Variants in MPV17 observed in about 807,000 individuals in gnomAD.
MPV17 encodes MPV17, mitochondrial inner membrane protein.
MPV17 carries 31 observed loss-of-function variants against 28.6 expected under a neutral mutation model. That is an observed-to-expected ratio of 1.08 (90% CI 0.81 to 1.46). The LOEUF is 1.46. Ranked by LOEUF, MPV17 falls within the 40% of genes most tolerant of loss-of-function variation. The probability of loss-of-function intolerance (pLI) is 0.00; values close to 1 mark genes in which losing one functional copy is unlikely to be tolerated. For synonymous variants in MPV17, 87 were observed against 85.3 expected, an observed-to-expected ratio of 1.02 and a Z score of -0.11; for missense variants, 198 against 216.2, an observed-to-expected ratio of 0.92 and a Z score of 0.53.
chr2:27,311,803 G>A (rs2148214491), intron 7 of MPV17, 96 bp downstream of exon 7: 1 of 1,573,936 alleles, frequency 6.4e-7, no homozygotes. Flanking sequence ...CCGTTTGGGG[G>A]TCTAAGGTAG....
intron 2 of MPV17, chr2:27,315,869 C>G (rs1405021518): frequency 8.7e-6 from 12 of 1,372,034 alleles, no homozygotes; most frequent in African/African-American, 1.5e-5. Flanking sequence ...GCCTACACCC[C>G]CATTTAATGA....
At position 27,312,217 on chromosome 2, in the gene MPV17, G is replaced by C. The variant is rs774833271; in HGVS notation, c.405C>G (p.Tyr135Ter). The C allele has an allele frequency of 1.2e-6, 2 of 1,613,908 alleles. No individual in the cohort carries two copies. The highest frequency in any genetic ancestry group is 1.3e-5 in the African/African-American group (1 of 74,932). The change falls in exon 6 of 8, where the codon TAC becomes TAG. Residue 135 changes from tyrosine (Y) to a stop codon, truncating the protein, a stop_gained. Coordinates refer to ENST00000380044, the MANE Select transcript of MPV17 (RefSeq NM_002437.5). LOFTEE classifies it high-confidence loss of function. ...RDYPDALITN[Y>*]YLWPAVQLAN... ...CAGTTGAGGTGTCAGCTCTTACATA[G>C]TAGTTGGTGATAAGGGCATCAGGAT...
chr2:27,321,057 G>A (rs950147141), intron 2 of MPV17, among the ~76,000 whole-genome samples: 1 of 152,226 alleles, frequency 6.6e-6, no homozygotes, highest in East Asian at 1.9e-4. Flanking sequence ...CCACATGTCG[G>A]CACCTAGGCC....
chr2:27,312,590 C>T lies in MPV17; in HGVS notation c.280-1G>A, dbSNP rs781636695. 1.2e-6 allele frequency: 2 copies of T among 1,613,948 alleles called. No individual in the cohort carries two copies. Among genetic ancestry groups the T allele is most frequent in the South Asian group, 2.2e-5 (2 of 91,088 alleles). On this transcript the variant is annotated splice_acceptor_variant, in intron 4 of 7. Coordinates refer to ENST00000380044, the MANE Select transcript of MPV17 (RefSeq NM_002437.5). LOFTEE classifies it high-confidence loss of function. ...CTAGAAAACACGGGGCAAAGCCCCCCTAGGGAAGAGAAATTAAAGTCCTAT... is the reference window on the plus strand; with the variant it reads ...CTAGAAAACACGGGGCAAAGCCCCCTTAGGGAAGAGAAATTAAAGTCCTAT...
At chr2:27,315,324 G>T (rs182315647) in intron 2 of MPV17, among the ~76,000 whole-genome samples, 1 of 152,208 alleles carries the variant, frequency 6.6e-6, no homozygotes, top group Non-Finnish European at 1.5e-5. Flanking sequence ...ACCCGCACCC[G>T]GTTCCCTATC....
Position 27,309,860 on chromosome 2 carries a change from T to A in MPV17, c.*52A>T. ...CACTTTGAGGAGGTTGTCTGACCGT[T>A]CCAGGGTCAAGCTGCATCACTGCAA... On this transcript the variant is annotated 3_prime_UTR_variant, in exon 8 of 8. Transcript: ENST00000380044. 1 of 1,514,682 alleles carries A rather than the reference T, an allele frequency of 6.6e-7. No homozygotes were observed. The highest frequency in any genetic ancestry group is 9.2e-7 in the Non-Finnish European group (1 of 1,090,170). The allele number at this position is 1,514,682 out of a possible 1,614,324, so 93.8% of individuals were successfully genotyped here. A position where few individuals can be genotyped will look rare whatever the true frequency, so the allele number is the denominator to read the frequency against.
At position 27,317,207 on chromosome 2, in the gene MPV17, C is replaced by T. The variant is rs1679689484; in HGVS notation, c.71-4098G>A. ...GCAGGTATAGCTACTGGCATGGGGC[C>T]AGCAGTGCTGCCTTCCTCCCCAGAA... is the stretch of plus-strand genomic sequence containing the variant. On this transcript the variant is annotated intron_variant, in intron 2 of 7. Coordinates refer to ENST00000380044, the MANE Select transcript of MPV17 (RefSeq NM_002437.5). The surrounding 1 kb of genome is among the most constrained non-coding windows in gnomAD (Gnocchi z 4.0). 6.5e-7 allele frequency: 1 copy of T among 1,549,562 alleles called. No homozygotes were observed. Among genetic ancestry groups the T allele is most frequent in the African/African-American group, 1.4e-5 (1 of 72,978 alleles).
At position 27,313,114 on chromosome 2, in the gene MPV17, G is replaced by A; in HGVS notation, c.71-5C>T. The A allele has an allele frequency of 6.2e-7, 1 of 1,614,196 alleles. No individual in the cohort carries two copies. The highest frequency in any genetic ancestry group is 1.1e-5 in the South Asian group (1 of 91,078). On this transcript the variant is annotated splice_region_variant and splice_polypyrimidine_tract_variant and intron_variant, in intron 2 of 7. Transcript: ENST00000380044. ...CACCCAGGCCCATCAGGGACCCTAT[G>A]CAGGGTACACAGGTGTTGTCAGGAC...
In MPV17 at chr2:27,312,391, C is replaced by T. The variant is rs768234149; in HGVS notation, c.375+103G>A. 4.1e-6 allele frequency: 6 copies of T among 1,445,822 alleles called. No homozygotes were observed. The East Asian group carries it at 1.1e-4, about 27-fold the overall frequency. 89.6% of individuals were successfully genotyped at this position (1,445,822 alleles called of 1,614,324 possible). A position where few individuals can be genotyped will look rare whatever the true frequency, so the allele number is the denominator to read the frequency against. ...GCTCCTCTCCTCCATGGCCTGGGGC[C>T]CTACCTGCACTTACCCCCTTTTTTA... On this transcript the variant is annotated intron_variant, in intron 5 of 7. Coordinates refer to ENST00000380044, the MANE Select transcript of MPV17 (RefSeq NM_002437.5).
In MPV17 at chr2:27,309,642, T is replaced by A. The variant is rs1288235069; in HGVS notation, c.*270A>T. 1.7e-5 allele frequency: 10 copies of A among 598,512 alleles called. No homozygotes were observed. The highest frequency in any genetic ancestry group is 1.7e-4 in the African/African-American group (9 of 53,880). The allele number at this position is 598,512 out of a possible 1,614,324, so 37.1% of individuals were successfully genotyped here. On this transcript the variant is annotated 3_prime_UTR_variant, in exon 8 of 8. Transcript: ENST00000380044. Reference sequence around the variant, plus strand: ...TGGGGATGAGTGGCATTTGCTGGGATATGGGTGTAAAGTTGATAAGGTCAT... The same window carrying A: ...TGGGGATGAGTGGCATTTGCTGGGAAATGGGTGTAAAGTTGATAAGGTCAT...
In MPV17 at chr2:27,309,877, T is replaced by TC. The variant is rs1277445223; in HGVS notation, c.*34dup. ...CTGACCGTTCCAGGGTCAAGCTGCA[T>TC]CACTGCAAGGTGGAAACGATGGAGT... On this transcript the variant is annotated 3_prime_UTR_variant, in exon 8 of 8. Coordinates refer to ENST00000380044, the MANE Select transcript of MPV17 (RefSeq NM_002437.5). The TC allele has an allele frequency of 3.2e-6, 5 of 1,582,934 alleles. No homozygotes were observed. Among genetic ancestry groups the TC allele is most frequent in the Non-Finnish European group, 3.5e-6 (4 of 1,151,872 alleles).
At chr2:27,312,659 C>T (rs1679495600) in intron 4 of MPV17, 21 bp downstream of exon 4, 6 of 1,613,748 alleles carry the variant, frequency 3.7e-6, no homozygotes, top group Middle Eastern at 3.3e-4. Flanking sequence ...CTCACCCTCC[C>T]CACTCTGTTC....
intron 2 of MPV17, among the ~76,000 whole-genome samples, chr2:27,320,260 ATG>A (rs1423302254): frequency 1.3e-5 from 2 of 151,952 alleles, no homozygotes; most frequent in Non-Finnish European, 2.9e-5. Flanking sequence ...AAGAAAAAAA[ATG>A]TCCAAAACCT....
In MPV17 at chr2:27,309,617, TG is replaced by T; in HGVS notation, c.*294del. 1 of 584,390 alleles carries T rather than the reference TG, an allele frequency of 1.7e-6. No homozygotes were observed. The highest frequency in any genetic ancestry group is 2.1e-5 in the South Asian group (1 of 48,354). 36.2% of individuals were successfully genotyped at this position (584,390 alleles called of 1,614,324 possible). On this transcript the variant is annotated 3_prime_UTR_variant, in exon 8 of 8. Coordinates refer to ENST00000380044, the MANE Select transcript of MPV17 (RefSeq NM_002437.5). The stretch of plus-strand genomic sequence containing the variant: ...GAGTAACAAATGTGTCTATGAAGAG[TG>T]GGGATGAGTGGCATTTGCTGGGATA...
chr2:27,320,001 GC>G (rs1679798249), intron 2 of MPV17, among the ~76,000 whole-genome samples: 1 of 151,468 alleles, frequency 6.6e-6, no homozygotes, highest in African/African-American at 2.4e-5. Context: ...ACTTTAGGAG[GC>G]CGAGGCGGGT....
chr2:27,310,129 G>A, intron 7 of MPV17, 148 bp from the exon 8 acceptor site: 1 of 724,208 alleles, frequency 1.4e-6, no homozygotes, highest in Non-Finnish European at 2.5e-6. Context: ...TTTTTGAGAT[G>A]GAGTCTCCTC....
Position 27,312,600 on chromosome 2 carries a change from GAAATT to G in MPV17, c.280-16_280-12del, listed in dbSNP as rs1679493197. The G allele has an allele frequency of 1.2e-6, 2 of 1,613,894 alleles. No individual in the cohort carries two copies. Among genetic ancestry groups the G allele is most frequent in the Non-Finnish European group, 1.7e-6 (2 of 1,179,884 alleles). On this transcript the variant is annotated splice_polypyrimidine_tract_variant and intron_variant, in intron 4 of 7. Coordinates refer to ENST00000380044, the MANE Select transcript of MPV17 (RefSeq NM_002437.5). The stretch of plus-strand genomic sequence containing the variant: ...CGGGGCAAAGCCCCCCTAGGGAAGA[GAAATT>G]AAAGTCCTATGAGTGCTGAAATCCC...
Position 27,309,858 on chromosome 2 carries a change from G to A in MPV17, c.*54C>T, listed in dbSNP as rs189632972. On this transcript the variant is annotated 3_prime_UTR_variant, in exon 8 of 8. Transcript: ENST00000380044. Reference sequence around the variant, plus strand: ...CCCACTTTGAGGAGGTTGTCTGACCGTTCCAGGGTCAAGCTGCATCACTGC... The same window carrying A: ...CCCACTTTGAGGAGGTTGTCTGACCATTCCAGGGTCAAGCTGCATCACTGC... The A allele has an allele frequency of 3.4e-4, 514 of 1,498,300 alleles. No homozygotes were observed. Among genetic ancestry groups the A allele is most frequent in the Non-Finnish European group, 2.2e-4 (232 of 1,075,688 alleles). The allele number at this position is 1,498,300 out of a possible 1,614,324, so 92.8% of individuals were successfully genotyped here.
At chr2:27,322,197 G>C (rs139675223) in intron 2 of MPV17, 5 of 578,960 alleles carry the variant, frequency 8.6e-6, no homozygotes, top group African/African-American at 7.5e-5. Context: ...CTTCAGGGCT[G>C]ACTGTTCAGC....
Sources: gnomAD v4.1 joint callset for allele counts (sites outside exome capture counted in the v4.1 genomes callset) on GRCh38, gnomAD v4.1.1 for gene constraint, Gnocchi (gnomAD v3.1) non-coding constraint, MANE v1.5 for transcripts, NCBI Gene and HGNC (gene_info 2026-07-23, HGNC 2026-07-21) for gene names.